Variants in DMD observed in about 807,000 individuals in gnomAD.
DMD encodes the protein dystrophin, also known as mutant dystrophin.
Under a neutral mutation model 330.1 loss-of-function variants are expected in DMD, and 63 were observed. The observed-to-expected ratio is 0.19, with a 90% CI of 0.16 to 0.24. The LOEUF is 0.24. DMD is among the 10% of genes least tolerant of loss of function. The pLI, the probability that DMD is intolerant of heterozygous loss-of-function variation, is 1.00. For missense variants in DMD, 3,344 were observed against 2,684.1 expected, an observed-to-expected ratio of 1.25 and a Z score of -5.43; for synonymous variants, 1,223 against 959.8, an observed-to-expected ratio of 1.27 and a Z score of -5.07.
At chrX:32,924,915 G>A (rs1407252084) in intron 2 of DMD, among the ~76,000 whole-genome samples, 7 of 110,576 alleles carry the variant, frequency 6.3e-5, no homozygotes, top group Non-Finnish European at 1.3e-4. Flanking sequence ...ATAAATATAT[G>A]TGTAAATTTT....
chrX:31,358,727 G>A (rs923873402), intron 60 of DMD, among the ~76,000 whole-genome samples: 4 of 112,286 alleles, frequency 3.6e-5, no homozygotes, highest in East Asian at 2.8e-4. Flanking sequence ...GACATGTGTC[G>A]GCTTAAAAGA....
At chrX:32,695,833 T>C (rs1259792238) in intron 9 of DMD, among the ~76,000 whole-genome samples, 4 of 111,665 alleles carry the variant, frequency 3.6e-5, no homozygotes, top group Non-Finnish European at 7.5e-5. Flanking sequence ...ATGAGTTTCA[T>C]AAGCTAAAGA....
At chrX:32,365,308 C>T in intron 34 of DMD, 109 bp from the exon 35 acceptor site, 1 of 741,091 alleles carries the variant, frequency 1.3e-6, no homozygotes, top group South Asian at 2.4e-5. Flanking sequence ...GGTTTTAAAC[C>T]TATAACTATG....
chrX:32,559,221 G>A (rs747743158), intron 16 of DMD, among the ~76,000 whole-genome samples: 7 of 110,083 alleles, frequency 6.4e-5, no homozygotes, highest in African/African-American at 2.3e-4. Context: ...CCAAAGTACT[G>A]GGATTACAAG....
intron 41 of DMD, among the ~76,000 whole-genome samples, chrX:32,315,019 C>T (rs1465303157): frequency 9.0e-6 from 1 of 111,437 alleles, no homozygotes; most frequent in Non-Finnish European, 1.9e-5. Context: ...ACCATTTGAC[C>T]CAGCAATCCC....
intron 16 of DMD, among the ~76,000 whole-genome samples, chrX:32,565,141 A>G (rs2051539288): frequency 1.8e-5 from 2 of 111,390 alleles, no homozygotes; most frequent in Admixed American, 9.6e-5. Context: ...TTCATAATCT[A>G]CAGCCCGTAT....
At chrX:32,931,824 G>C (rs1345141454) in intron 2 of DMD, among the ~76,000 whole-genome samples, 1 of 111,397 alleles carries the variant, frequency 9.0e-6, no homozygotes, top group Non-Finnish European at 1.9e-5. Context: ...TCATCATAAA[G>C]CTGTATTTCA....
intron 2 of DMD, among the ~76,000 whole-genome samples, chrX:32,854,642 T>A (rs780045872): frequency 1.1e-4 from 12 of 108,490 alleles, no homozygotes; most frequent in Non-Finnish European, 1.9e-4. Context: ...AAAATTAGAT[T>A]GTGTCATGAA....
chrX:32,255,177 T>C (rs749886627), intron 43 of DMD, among the ~76,000 whole-genome samples: 182 of 112,263 alleles, frequency 1.6e-3, no homozygotes, highest in African/African-American at 5.5e-3. Flanking sequence ...TTCTCCATTC[T>C]TGGTCAGTGT....
At chrX:31,288,038 A>C (rs1322717786) in intron 62 of DMD, among the ~76,000 whole-genome samples, 1 of 111,794 alleles carries the variant, frequency 8.9e-6, no homozygotes, top group African/African-American at 3.3e-5. Flanking sequence ...CAGATCAGTA[A>C]GCAGTCTCCC....
chrX:32,099,335 G>A (rs778421280), intron 44 of DMD, among the ~76,000 whole-genome samples: 2 of 110,808 alleles, frequency 1.8e-5, no homozygotes, highest in Non-Finnish European at 3.8e-5. Flanking sequence ...GCAGTGTGGC[G>A]ATTCCTCAGG....
intron 1 of DMD, among the ~76,000 whole-genome samples, chrX:33,076,563 G>T (rs192949374): frequency 1.3e-4 from 15 of 111,310 alleles, no homozygotes; most frequent in African/African-American, 4.2e-4. Context: ...TTAAAACTGA[G>T]AAATTCCTGA....
chrX:31,222,392 C>CAAA (rs57227723), intron 64 of DMD, among the ~76,000 whole-genome samples: 800 of 20,491 alleles, frequency 0.039, 99 homozygotes, highest in African/African-American at 0.054. Flanking sequence ...GACTCCATCT[C>CAAA]AAAAAAAAAA....
At chrX:32,117,181 C>T (rs2096614446) in intron 44 of DMD, among the ~76,000 whole-genome samples, 1 of 110,708 alleles carries the variant, frequency 9.0e-6, no homozygotes, top group Admixed American at 9.6e-5. Flanking sequence ...AGAGAAAGGG[C>T]ATTAGAAGTG....
At chrX:31,627,621 G>C in intron 55 of DMD, 52 bp downstream of exon 55, 2 of 1,161,376 alleles carry the variant, frequency 1.7e-6, no homozygotes, top group Admixed American at 4.4e-5. Context: ...CAAATGCTGA[G>C]AATTGTTCAA....
chrX:32,982,036 C>T (rs767605414), intron 2 of DMD, among the ~76,000 whole-genome samples: 9 of 111,402 alleles, frequency 8.1e-5, no homozygotes, highest in East Asian at 2.8e-4. Context: ...AAAGTATTAA[C>T]GGTAAGATAG....
chrX:32,719,168 A>T (rs1216839251), intron 7 of DMD, among the ~76,000 whole-genome samples: 1 of 111,937 alleles, frequency 8.9e-6, no homozygotes, highest in African/African-American at 3.2e-5. Flanking sequence ...TGTTCCTCAA[A>T]GTATATCTCA....
chrX:33,150,873 T>G (rs919820301), intron 1 of DMD, among the ~76,000 whole-genome samples: 1 of 111,602 alleles, frequency 9.0e-6, no homozygotes, highest in Non-Finnish European at 1.9e-5. Flanking sequence ...ATTACTGTCC[T>G]GATTGTGGGA....
In DMD at chrX:32,524,230, G is replaced by A. The variant is rs182534339; in HGVS notation, c.2169-6099C>T. Among the ~76,000 whole-genome samples, 89 of 111,744 alleles carry A rather than the reference G, an allele frequency of 8.0e-4. No homozygotes were observed. The East Asian group carries it at 0.016, about 20-fold the overall frequency. ...ATTACAGGCGTGAGCCACCGCGCCC[G>A]GCCCCAGAAGAAATCTTGTAACACT... On this transcript the variant is annotated intron_variant, in intron 17 of 78. Transcript: ENST00000357033.
Sources: gnomAD v4.1 joint callset for allele counts (sites outside exome capture counted in the v4.1 genomes callset) on GRCh38, gnomAD v4.1.1 for gene constraint, MANE v1.5 for transcripts, NCBI Gene and HGNC (gene_info 2026-07-23, HGNC 2026-07-21) for gene names.